Variants in MMP16 observed in about 807,000 individuals in gnomAD.
The protein encoded by MMP16 is matrix metallopeptidase 16.
MMP16 carries 12 observed loss-of-function variants against 67.8 expected under a neutral mutation model. The ratio of observed to expected loss-of-function variants is 0.18; its 90% CI spans 0.11 to 0.29. The LOEUF is 0.29. MMP16 is among the 10% of genes least tolerant of loss of function. MMP16 has a pLI of 1.00. For missense variants in MMP16, 475 were observed against 765.7 expected (o/e 0.62, Z 4.48); for synonymous variants, 249 against 255.9 (o/e 0.97, Z 0.26).
chr8:88,109,026 C>T (rs1234189636), intron 6 of MMP16, among the ~76,000 whole-genome samples: 1 of 151,210 alleles, frequency 6.6e-6, no homozygotes, highest in Non-Finnish European at 1.5e-5. Context: ...AATAGAAGAA[C>T]AAGACAATCA....
intron 1 of MMP16, among the ~76,000 whole-genome samples, chr8:88,254,545 T>A: frequency 6.6e-6 from 1 of 151,812 alleles, no homozygotes; most frequent in East Asian, 1.9e-4. Context: ...GCCACATGCA[T>A]GGCAAAATGC....
chr8:88,193,811 A>G (rs2129773195), intron 2 of MMP16, among the ~76,000 whole-genome samples: 1 of 152,140 alleles, frequency 6.6e-6, no homozygotes, highest in African/African-American at 2.4e-5. Flanking sequence ...TAAAAGATAA[A>G]CTAATATGAA....
intron 1 of MMP16, among the ~76,000 whole-genome samples, chr8:88,241,807 T>C (rs73692207): frequency 0.043 from 6,617 of 152,144 alleles, 171 homozygotes; most frequent in Admixed American, 0.054. Context: ...AATTAGTGTA[T>C]TCATTACTTC....
At chr8:88,258,466 T>G (rs1810339154) in intron 1 of MMP16, among the ~76,000 whole-genome samples, 1 of 152,120 alleles carries the variant, frequency 6.6e-6, no homozygotes, top group African/African-American at 2.4e-5. Context: ...AAGAAATCAC[T>G]CCCTGCCTAA....
chr8:88,191,694 T>C (rs1809171746), intron 2 of MMP16, among the ~76,000 whole-genome samples: 1 of 152,176 alleles, frequency 6.6e-6, no homozygotes, highest in Non-Finnish European at 1.5e-5. Flanking sequence ...TATCTGAAAG[T>C]GTCCATTAGC....
intron 8 of MMP16, among the ~76,000 whole-genome samples, chr8:88,053,666 G>C (rs1354187400): frequency 6.6e-6 from 1 of 152,110 alleles, no homozygotes; most frequent in Non-Finnish European, 1.5e-5. Context: ...GTTTCAGATA[G>C]AGAGTTTAAT....
chr8:88,219,403 C>T (rs1368660069), intron 1 of MMP16, among the ~76,000 whole-genome samples: 1 of 151,900 alleles, frequency 6.6e-6, no homozygotes, highest in African/African-American at 2.4e-5. Flanking sequence ...GAGGAGAAAG[C>T]AAGAGGAGAT....
intron 1 of MMP16, among the ~76,000 whole-genome samples, chr8:88,304,633 G>A (rs1206203066): frequency 2.0e-5 from 3 of 152,100 alleles, no homozygotes; most frequent in Non-Finnish European, 1.5e-5. Flanking sequence ...AGAGATTGGG[G>A]GCCAATATTC....
At chr8:88,160,828 G>A (rs1475127341) in intron 4 of MMP16, among the ~76,000 whole-genome samples, 2 of 151,736 alleles carry the variant, frequency 1.3e-5, no homozygotes, top group African/African-American at 4.8e-5. Context: ...AAAGACACAT[G>A]CACACGTATG....
At chr8:88,240,037 C>T (rs1810010442) in intron 1 of MMP16, among the ~76,000 whole-genome samples, 1 of 152,212 alleles carries the variant, frequency 6.6e-6, no homozygotes, top group Admixed American at 6.5e-5. Context: ...AAGACCCATG[C>T]TGCCTTACAT....
At chr8:88,269,244 C>T (rs1810526953) in intron 1 of MMP16, among the ~76,000 whole-genome samples, 1 of 152,130 alleles carries the variant, frequency 6.6e-6, no homozygotes. Context: ...CTCAAAATGG[C>T]TTTATCTAAG....
chr8:88,214,258 G>A (rs1366846955), intron 1 of MMP16, among the ~76,000 whole-genome samples: 1 of 152,112 alleles, frequency 6.6e-6, no homozygotes, highest in Non-Finnish European at 1.5e-5. Flanking sequence ...CTTTTCATCT[G>A]GCTCCAAATG....
At chr8:88,300,045 A>G (rs1811073599) in intron 1 of MMP16, among the ~76,000 whole-genome samples, 1 of 152,208 alleles carries the variant, frequency 6.6e-6, no homozygotes, top group South Asian at 2.1e-4. Context: ...GGAAATGCCA[A>G]GAAACATACA....
chr8:88,066,116 C>T (rs897723767), intron 7 of MMP16, among the ~76,000 whole-genome samples: 51 of 152,088 alleles, frequency 3.4e-4, no homozygotes, highest in African/African-American at 1.2e-3. Context: ...CTTTCAGCTA[C>T]TTGATTTTAT....
chr8:88,099,159 A>G (rs1809087455), intron 6 of MMP16, among the ~76,000 whole-genome samples: 2 of 151,784 alleles, frequency 1.3e-5, no homozygotes, highest in South Asian at 4.1e-4. Flanking sequence ...AGAATATAAG[A>G]ATTTTTTTAT....
rs973844266 is a variant in MMP16 at position 88,091,264 on chromosome 8, A to C, written c.1084-16521T>G. On this transcript the variant is annotated intron_variant, in intron 6 of 9. Transcript: ENST00000286614. ...ATATTTTTTTCATATAAGACCAATA[A>C]TACCTATTTTCCCCCAAAAGATCCC... Among the ~76,000 whole-genome samples the C allele has an allele frequency of 3.3e-5, 5 of 151,946 alleles. No individual in the cohort carries two copies. In the South Asian group the frequency reaches 1.0e-3, roughly 31 times the overall value.
chr8:88,059,822 C>G (rs1251314332), intron 7 of MMP16, among the ~76,000 whole-genome samples: 1 of 150,796 alleles, frequency 6.6e-6, no homozygotes, highest in African/African-American at 2.4e-5. Flanking sequence ...GGAAGATGAC[C>G]CAGAGAACAC....
intron 7 of MMP16, among the ~76,000 whole-genome samples, chr8:88,069,740 C>T (rs1019253844): frequency 2.6e-4 from 39 of 152,250 alleles, no homozygotes; most frequent in African/African-American, 7.9e-4. Context: ...GATGACTATA[C>T]TATGGCTACT....
chr8:88,184,567 A>AAAAAG (rs1809037181), intron 3 of MMP16, among the ~76,000 whole-genome samples: 1 of 133,906 alleles, frequency 7.5e-6, no homozygotes, highest in Non-Finnish European at 1.6e-5. Flanking sequence ...CTCTCTGAAA[A>AAAAAG]AAAAAAAAAA....
Sources: allele counts gnomAD v4.1 joint callset (sites outside exome capture counted in the v4.1 genomes callset), GRCh38; gene constraint gnomAD v4.1.1; transcripts MANE v1.5; gene names NCBI Gene and HGNC (gene_info 2026-07-23, HGNC 2026-07-21).